Variants in STXBP4 observed in about 807,000 individuals in gnomAD.
STXBP4 encodes syntaxin-binding protein 4.
In STXBP4, 55 loss-of-function variants were observed where a neutral mutation model predicts 76.1. The ratio of observed to expected loss-of-function variants is 0.72; its 90% CI spans 0.58 to 0.91. The LOEUF is 0.91. Among genes scored for constraint, STXBP4 ranks in the 40% least tolerant of loss-of-function variants. STXBP4 has a pLI of 0.00. For missense variants in STXBP4, 618 were observed against 636.9 expected (o/e 0.97, Z 0.32); for synonymous variants, 201 against 220.2 (o/e 0.91, Z 0.77).
intron 11 of STXBP4, among the ~76,000 whole-genome samples, chr17:55,046,323 A>G (rs1422949626): frequency 6.6e-6 from 1 of 151,974 alleles, no homozygotes; most frequent in Non-Finnish European, 1.5e-5. Context: ...CTTAGACAAG[A>G]ATAAGCTGAA....
intron 9 of STXBP4, among the ~76,000 whole-genome samples, chr17:55,031,883 G>T (rs2144682497): frequency 6.6e-6 from 1 of 152,198 alleles, no homozygotes; most frequent in East Asian, 1.9e-4. Context: ...AGCCTATGTT[G>T]TTCAGGGGTC....
At chr17:55,044,229 G>A (rs2078753790) in intron 11 of STXBP4, 1 of 151,848 alleles carries the variant, frequency 6.6e-6, no homozygotes, top group Non-Finnish European at 1.5e-5. Context: ...AATTTTTATA[G>A]AAAGCTATAT....
At chr17:55,087,724 G>A (rs2079356619) in intron 16 of STXBP4, among the ~76,000 whole-genome samples, 1 of 151,730 alleles carries the variant, frequency 6.6e-6, no homozygotes, top group South Asian at 2.1e-4. Flanking sequence ...GGCTCTTCAG[G>A]GTCTCTTGTG....
chr17:54,987,123 C>A (rs1186050989), intron 3 of STXBP4, among the ~76,000 whole-genome samples: 10 of 152,084 alleles, frequency 6.6e-5, no homozygotes, highest in Admixed American at 6.5e-4. Context: ...TGAAAGGAAG[C>A]AGTAAAGTCA....
rs921057647 is a variant in STXBP4 at position 55,081,089 on chromosome 17, A to G, written c.1395A>G (p.Thr465=). 6 of 1,546,284 alleles carry G rather than the reference A, an allele frequency of 3.9e-6. No individual in the cohort carries two copies. In the African/African-American group the frequency reaches 7.1e-5, roughly 18 times the overall value. ...TGTTAGCTTCTCAGACTTCCCTCAC[A>G]CCACTGGGAAGGAATGGACGTAGCA... ...RAVLASQTSL[T]PLGRNGRSIP... The change falls in exon 16 of 18, where the codon ACA becomes ACG. Residue 465 remains threonine, a synonymous_variant. Transcript: ENST00000376352.
chr17:55,010,555 A>C (rs1202263373), intron 8 of STXBP4, among the ~76,000 whole-genome samples: 1 of 152,122 alleles, frequency 6.6e-6, no homozygotes, highest in Non-Finnish European at 1.5e-5. Context: ...TAAACTTATA[A>C]ATATGCATTA....
chr17:55,043,372 AAAAG>A (rs779324773), intron 11 of STXBP4, 47 bp downstream of exon 11: 49 of 1,168,174 alleles, frequency 4.2e-5, no homozygotes, highest in Middle Eastern at 2.5e-4. Flanking sequence ...AAAAAAAAGA[AAAAG>A]AAAAAAATCC....
chr17:55,143,627 G>C (rs1389707266), intron 17 of STXBP4, among the ~76,000 whole-genome samples: 2 of 152,172 alleles, frequency 1.3e-5, no homozygotes, highest in African/African-American at 2.4e-5. Context: ...AGGGAGAATA[G>C]AGTCCCAGAA....
At chr17:55,043,064 A>C (rs2078729989) in intron 10 of STXBP4, among the ~76,000 whole-genome samples, 172 bp from the exon 11 acceptor site, 1 of 152,162 alleles carries the variant, frequency 6.6e-6, no homozygotes, top group Admixed American at 6.6e-5. Flanking sequence ...AATGAATGAA[A>C]TTGCTTTAAT....
chr17:55,094,543 T>C (rs914411689), intron 16 of STXBP4, among the ~76,000 whole-genome samples: 1 of 152,194 alleles, frequency 6.6e-6, no homozygotes, highest in African/African-American at 2.4e-5. Flanking sequence ...TGTATAACTT[T>C]TTGGAACGCC....
chr17:55,126,903 T>C (rs1169220515), intron 16 of STXBP4, among the ~76,000 whole-genome samples: 1 of 152,194 alleles, frequency 6.6e-6, no homozygotes, highest in Non-Finnish European at 1.5e-5. Flanking sequence ...GAAAGGAAGA[T>C]TGCAGCCATT....
intron 1 of STXBP4, among the ~76,000 whole-genome samples, chr17:54,979,936 T>C (rs1024821480): frequency 2.0e-5 from 3 of 152,226 alleles, no homozygotes; most frequent in African/African-American, 7.2e-5. Flanking sequence ...GGCTTTTGCT[T>C]ACAAAGCCTT....
chr17:54,992,412 C>G (rs1161199040), intron 4 of STXBP4, among the ~76,000 whole-genome samples: 4 of 142,566 alleles, frequency 2.8e-5, no homozygotes, highest in African/African-American at 1.0e-4. Context: ...AAGACCCTGT[C>G]TCAAAAAAAA....
rs527354384 is a variant in STXBP4 at position 55,116,085 on chromosome 17, C to G, written c.1490-25225C>G. Among the ~76,000 whole-genome samples the G allele has an allele frequency of 2.2e-4, 33 of 151,890 alleles. 1 individual carries two copies. The highest frequency in any genetic ancestry group is 7.9e-4 in the African/African-American group (33 of 41,522). On this transcript the variant is annotated intron_variant, in intron 16 of 17. Transcript: ENST00000376352. Reference sequence around the variant, plus strand: ...ATTGCTTCCATTTTAACTGAAATATCTGAGCTACTTATGTCTCAAGAACTG... The same window carrying G: ...ATTGCTTCCATTTTAACTGAAATATGTGAGCTACTTATGTCTCAAGAACTG...
intron 8 of STXBP4, among the ~76,000 whole-genome samples, chr17:55,024,067 T>C (rs1171924187): frequency 6.6e-6 from 1 of 152,102 alleles, no homozygotes; most frequent in African/African-American, 2.4e-5. Context: ...TATGAAAAGA[T>C]GCCCTCTGCG....
At chr17:55,135,415 T>C (rs551294701) in intron 16 of STXBP4, among the ~76,000 whole-genome samples, 1 of 152,182 alleles carries the variant, frequency 6.6e-6, no homozygotes, top group African/African-American at 2.4e-5. Flanking sequence ...GGTAAAACAA[T>C]CAAGTCACAG....
At chr17:55,153,968 G>C (rs2080246158) in intron 17 of STXBP4, among the ~76,000 whole-genome samples, 1 of 152,090 alleles carries the variant, frequency 6.6e-6, no homozygotes, top group Non-Finnish European at 1.5e-5. Context: ...AGTAGTCATG[G>C]CTTCCTCTTG....
At chr17:55,125,169 A>G (rs1369465371) in intron 16 of STXBP4, among the ~76,000 whole-genome samples, 1 of 152,186 alleles carries the variant, frequency 6.6e-6, no homozygotes, top group Non-Finnish European at 1.5e-5. Flanking sequence ...GAAAGGTCTG[A>G]GTGCAGCATT....
chr17:55,096,006 G>C (rs1379901372), intron 16 of STXBP4, among the ~76,000 whole-genome samples: 1 of 152,104 alleles, frequency 6.6e-6, no homozygotes, highest in Non-Finnish European at 1.5e-5. Context: ...CTTAGATTTG[G>C]TGAAATATGA....
Sources: gnomAD v4.1 joint callset for allele counts (sites outside exome capture counted in the v4.1 genomes callset) on GRCh38, gnomAD v4.1.1 for gene constraint, MANE v1.5 for transcripts, NCBI Gene and HGNC (gene_info 2026-07-23, HGNC 2026-07-21) for gene names.